PLA2R1: variants seen among roughly 807,000 people sequenced by gnomAD.
PLA2R1 encodes phospholipase A2 receptor 1, also known as secretory phospholipase A2 receptor.
In PLA2R1, 158 loss-of-function variants were observed where a neutral mutation model predicts 195.9. The ratio of observed to expected loss-of-function variants is 0.81; its 90% CI spans 0.71 to 0.92. PLA2R1 has a LOEUF of 0.92. Ranked by LOEUF, PLA2R1 falls within the 40% of genes least tolerant of loss-of-function variation. PLA2R1 has a pLI of 0.00. For synonymous variants in PLA2R1, 586 were observed against 598.2 expected (o/e 0.98, Z 0.30); for missense variants, 1,626 against 1,764.6 (o/e 0.92, Z 1.41).
At chr2:160,016,485 G>GGA (rs1196776958) in intron 9 of PLA2R1, 129 bp downstream of exon 9, 85 of 621,010 alleles carry the variant, frequency 1.4e-4, no homozygotes, top group East Asian at 6.1e-4. Context: ...GGGGGTGCGA[G>GGA]GAGAGAGAGA....
At chr2:159,980,221 C>G (rs1689854872) in intron 13 of PLA2R1, among the ~76,000 whole-genome samples, 1 of 152,102 alleles carries the variant, frequency 6.6e-6, no homozygotes, top group African/African-American at 2.4e-5. Context: ...CATTCTATTA[C>G]TCTTGGTTTG....
At chr2:160,044,675 C>A (rs1274599971) in intron 2 of PLA2R1, 99 bp downstream of exon 2, 14 of 1,026,802 alleles carry the variant, frequency 1.4e-5, no homozygotes, top group Non-Finnish European at 2.0e-5. Flanking sequence ...AGGGTCCAGG[C>A]TTCGTGTACT....
At chr2:159,946,649 A>G (rs539793702) in intron 27 of PLA2R1, 152 bp downstream of exon 27, 16 of 1,399,706 alleles carry the variant, frequency 1.1e-5, no homozygotes, top group African/African-American at 3.0e-5. Context: ...AAGGGTTGCA[A>G]TGTTGTTTTT....
chr2:159,962,755 A>AC (rs1462211073), intron 20 of PLA2R1, among the ~76,000 whole-genome samples: 2 of 152,140 alleles, frequency 1.3e-5, no homozygotes, highest in Non-Finnish European at 2.9e-5. Flanking sequence ...GAAGCTGGAA[A>AC]CCATCATTCT....
At chr2:159,953,004 T>C (rs1032664402) in intron 23 of PLA2R1, among the ~76,000 whole-genome samples, 4 of 152,232 alleles carry the variant, frequency 2.6e-5, no homozygotes, top group Non-Finnish European at 5.9e-5. Flanking sequence ...GTGTAATGGT[T>C]ATTCATACAA....
rs186102570 is a variant in PLA2R1, at chr2:159,992,709, C to T, written c.1835-5351G>A. On this transcript the variant is annotated intron_variant, in intron 11 of 29. Coordinates refer to ENST00000283243, the MANE Select transcript of PLA2R1 (RefSeq NM_007366.5). ...CAAAAAAGAGCCCGCATCGCCAAGTCAATCCTAAGCCAAAAGAACAAAGCT... is the reference window on the plus strand; with the variant it reads ...CAAAAAAGAGCCCGCATCGCCAAGTTAATCCTAAGCCAAAAGAACAAAGCT... 2.5e-3 allele frequency among the ~76,000 whole-genome samples: 384 copies of T among 152,132 alleles called. 1 individual carries two copies. Among genetic ancestry groups the T allele is most frequent in the Non-Finnish European group, 2.3e-3 (157 of 68,006 alleles).
chr2:159,947,095 C>A (rs556981826), intron 26 of PLA2R1, among the ~76,000 whole-genome samples, 178 bp from the exon 27 acceptor site: 18 of 152,244 alleles, frequency 1.2e-4, no homozygotes, highest in African/African-American at 4.3e-4. Context: ...TACAAGCTTG[C>A]ACGTCAGAAG....
chr2:159,936,986 C>T lies in PLA2R1; in HGVS notation c.*4792G>A, dbSNP rs765133982. On this transcript the variant is annotated 3_prime_UTR_variant, in exon 30 of 30. Transcript: ENST00000283243. ...AAGGAGGTTTGTTATAACAATATCC[C>T]TCTATTACTTGAATTCCTTTCTCAT... is the stretch of plus-strand genomic sequence containing the variant. 4 of 152,100 alleles carry T rather than the reference C, an allele frequency of 2.6e-5. No homozygotes were observed. The highest frequency in any genetic ancestry group is 6.6e-5 in the Admixed American group (1 of 15,250). 9.4% of individuals were successfully genotyped at this position (152,100 alleles called of 1,614,324 possible). A position where few individuals can be genotyped will look rare whatever the true frequency, so the allele number is the denominator to read the frequency against.
At position 159,956,535 on chromosome 2, in the gene PLA2R1, G is replaced by C. The variant is rs758969986; in HGVS notation, c.2997C>G (p.Val999=). ...CTTGCTCCACCTCACTTTCAATGGC[G>C]ACCAGGGTCCCCCCTTCTTCAGCAC... ...HFCAEEGGTL[V]AIESEVEQAF... The change falls in exon 21 of 30, where the codon GTC becomes GTG. Residue 999 remains valine (V), a synonymous_variant. Coordinates refer to ENST00000283243, the MANE Select transcript of PLA2R1 (RefSeq NM_007366.5). 6.2e-7 allele frequency: 1 copy of C among 1,611,560 alleles called. No individual in the cohort carries two copies. Among genetic ancestry groups the C allele is most frequent in the Admixed American group, 1.7e-5 (1 of 60,018 alleles).
chr2:160,051,034 G>A (rs1421151462), intron 1 of PLA2R1, among the ~76,000 whole-genome samples: 1 of 152,202 alleles, frequency 6.6e-6, no homozygotes, highest in Admixed American at 6.5e-5. Flanking sequence ...GATTTGTACT[G>A]TTAAGCCTTT....
chr2:160,012,198 T>C (rs1302976299), intron 10 of PLA2R1, among the ~76,000 whole-genome samples: 2 of 152,202 alleles, frequency 1.3e-5, no homozygotes, highest in African/African-American at 2.4e-5. Context: ...TGAATATTTT[T>C]AAAGGCAATG....
chr2:160,014,858 C>A (rs1351786877), intron 9 of PLA2R1, among the ~76,000 whole-genome samples: 2 of 152,118 alleles, frequency 1.3e-5, no homozygotes, highest in Non-Finnish European at 2.9e-5. Context: ...TTCATGCATC[C>A]CTCCAGGGTA....
At chr2:160,035,963 C>G (rs1424883407) in intron 3 of PLA2R1, among the ~76,000 whole-genome samples, 2 of 152,220 alleles carry the variant, frequency 1.3e-5, no homozygotes, top group Non-Finnish European at 2.9e-5. Flanking sequence ...GATTTACTCT[C>G]TTTTCTTGAC....
chr2:160,015,803 G>A (rs533945470), intron 9 of PLA2R1, among the ~76,000 whole-genome samples: 1 of 152,314 alleles, frequency 6.6e-6, no homozygotes, highest in Admixed American at 6.5e-5. Flanking sequence ...AAGATTCTAA[G>A]GGGATGGGTC....
In PLA2R1 at chr2:160,044,734, A is replaced by G. The variant is rs1239027645; in HGVS notation, c.493+40T>C. 3.2e-6 allele frequency: 5 copies of G among 1,561,654 alleles called. No homozygotes were observed. In the Admixed American group the frequency reaches 8.8e-5, roughly 28 times the overall value. ...TCTTTACTTATAGGCAAACCTTAAA[A>G]AAACACCATTCCCTGAGTGCTTCTT... On this transcript the variant is annotated intron_variant, in intron 2 of 29. Transcript: ENST00000283243.
At chr2:159,956,274 T>A (rs1015308653) in intron 21 of PLA2R1, among the ~76,000 whole-genome samples, 2 of 152,230 alleles carry the variant, frequency 1.3e-5, no homozygotes, top group Admixed American at 6.5e-5. Context: ...TTCTTTCCAC[T>A]GCTACTGGTG....
intron 12 of PLA2R1, among the ~76,000 whole-genome samples, chr2:159,986,176 G>A (rs4401175): frequency 0.86 from 130,113 of 151,966 alleles, 55,949 homozygotes; most frequent in African/African-American, 0.92. Context: ...AAAAATCCAA[G>A]CTCCAAAATG....
intron 20 of PLA2R1, among the ~76,000 whole-genome samples, chr2:159,967,087 A>G (rs1316817554): frequency 6.6e-6 from 1 of 152,178 alleles, no homozygotes. Flanking sequence ...ACACAAGAGT[A>G]GGAGATGGAG....
At chr2:159,948,310 C>T (rs991834072) in intron 25 of PLA2R1, among the ~76,000 whole-genome samples, 2 of 152,146 alleles carry the variant, frequency 1.3e-5, no homozygotes, top group African/African-American at 4.8e-5. Flanking sequence ...TCACAGCTCA[C>T]TGCAGCCTCA....
Sources: gnomAD v4.1 joint callset for allele counts (sites outside exome capture counted in the v4.1 genomes callset) on GRCh38, gnomAD v4.1.1 for gene constraint, MANE v1.5 for transcripts, NCBI Gene and HGNC (gene_info 2026-07-23, HGNC 2026-07-21) for gene names.